The following MYO7B variants were observed in gnomAD, a reference collection of about 807,000 sequenced individuals.
MYO7B encodes myosin VIIB.
In MYO7B, 212 loss-of-function variants were observed where a neutral mutation model predicts 259.7. The ratio of observed to expected loss-of-function variants is 0.82; its 90% CI spans 0.73 to 0.91. MYO7B has a LOEUF of 0.91. MYO7B is among the 40% of genes least tolerant of loss of function. The pLI, the probability that MYO7B is intolerant of heterozygous loss-of-function variation, is 0.00. For missense variants in MYO7B, 2,732 were observed against 2,813.5 expected, an observed-to-expected ratio of 0.97 and a Z score of 0.66; for synonymous variants, 1,197 against 1,166.4, an observed-to-expected ratio of 1.03 and a Z score of -0.54.
rs2255161 is a variant in MYO7B, at chr2:127,636,225, T to C, written c.6024T>C (p.Tyr2008=). Residue 2008 remains tyrosine (Y), a synonymous_variant, in exon 45 of 48, where the codon TAT becomes TAC. Coordinates refer to ENST00000409816, the MANE Select transcript of MYO7B (RefSeq NM_001393586.1). This position sits in a 1 kb window ranked among gnomAD's most constrained non-coding sequence, Gnocchi z 4.5. ...EEWKKSILLA[Y]DKHKDKTVEE... The stretch of plus-strand genomic sequence containing the variant: ...TCCCCCAGAGCATCCTTCTAGCCTA[T>C]GACAAGCATAAGGACAAGACAGTGG... 0.2 allele frequency: 326,043 copies of C among 1,611,722 alleles called. 34,985 individuals carry two copies. The highest frequency in any genetic ancestry group is 0.36 in the South Asian group (32,646 of 90,988).
chr2:127,620,570 A>G (rs980622912), intron 27 of MYO7B, 104 bp downstream of exon 27: 1 of 1,299,374 alleles, frequency 7.7e-7, no homozygotes. Context: ...TACGTGGCCC[A>G]TTTCTCCTGC....
intron 1 of MYO7B, among the ~76,000 whole-genome samples, chr2:127,548,540 T>G (rs1176019473): frequency 1.3e-5 from 2 of 151,748 alleles, no homozygotes; most frequent in African/African-American, 4.8e-5. Flanking sequence ...CTCAGCCTCC[T>G]GAGTAGCTGG....
chr2:127,620,273 C>T, intron 26 of MYO7B, 67 bp from the exon 27 acceptor site: 29 of 1,543,786 alleles, frequency 1.9e-5, no homozygotes, highest in Non-Finnish European at 2.6e-5. Context: ...GCTGTGTGCC[C>T]AGGTACCCCT....
chr2:127,618,715 G>T (rs916159802), intron 26 of MYO7B, among the ~76,000 whole-genome samples: 1 of 152,234 alleles, frequency 6.6e-6, no homozygotes, highest in African/African-American at 2.4e-5. Flanking sequence ...TTTATGAGTG[G>T]TTTGCCATTG....
At chr2:127,604,559 T>C (rs545519019) in intron 19 of MYO7B, among the ~76,000 whole-genome samples, 1 of 152,244 alleles carries the variant, frequency 6.6e-6, no homozygotes, top group Non-Finnish European at 1.5e-5. Flanking sequence ...CGTGGCTGTT[T>C]CGCGCAAGAG....
At chr2:127,544,455 C>G (rs561777367) in intron 1 of MYO7B, among the ~76,000 whole-genome samples, 1 of 152,290 alleles carries the variant, frequency 6.6e-6, no homozygotes, top group East Asian at 1.9e-4. Flanking sequence ...GTCACCCAGG[C>G]TGGAGTGCAA....
chr2:127,612,688 C>G, intron 26 of MYO7B, 85 bp downstream of exon 26: 1 of 1,531,808 alleles, frequency 6.5e-7, no homozygotes, highest in Non-Finnish European at 8.8e-7. Context: ...CCTCCCCCAC[C>G]ACCCCTATGA....
intron 1 of MYO7B, among the ~76,000 whole-genome samples, chr2:127,537,562 G>A (rs1230527152): frequency 3.3e-5 from 5 of 152,190 alleles, no homozygotes; most frequent in African/African-American, 1.2e-4. Flanking sequence ...ACTGGGCATG[G>A]TGGTGGCTCA....
chr2:127,601,539 T>A (rs1162420081), intron 19 of MYO7B, among the ~76,000 whole-genome samples: 1 of 152,244 alleles, frequency 6.6e-6, no homozygotes, highest in African/African-American at 2.4e-5. Context: ...ATGTGCTTTT[T>A]ATTATCATGT....
At chr2:127,538,892 T>C (rs1692896324) in intron 1 of MYO7B, among the ~76,000 whole-genome samples, 1 of 152,174 alleles carries the variant, frequency 6.6e-6, no homozygotes, top group Non-Finnish European at 1.5e-5. Context: ...CAAGAAATCT[T>C]GACTCAGTCA....
intron 4 of MYO7B, among the ~76,000 whole-genome samples, chr2:127,566,297 A>G (rs1020899480): frequency 6.6e-6 from 1 of 152,180 alleles, no homozygotes; most frequent in African/African-American, 2.4e-5. Context: ...ACCAGCCTAT[A>G]TGAAAGCCCC....
chr2:127,635,066 G>A (rs1272187118), intron 42 of MYO7B, 54 bp from the exon 43 acceptor site: 1 of 1,463,516 alleles, frequency 6.8e-7, no homozygotes, highest in Admixed American at 1.8e-5. Context: ...CAGGGGGTCA[G>A]GGCTGGTGTA....
At position 127,584,376 on chromosome 2, in the gene MYO7B, T is replaced by C. The variant is rs780705716; in HGVS notation, c.1554+44T>C. 3.2e-6 allele frequency: 5 copies of C among 1,587,298 alleles called. No individual in the cohort carries two copies. The South Asian group carries it at 4.4e-5, about 14-fold the overall frequency. ...CGACCTTCTGGTGGAGGCCCTGCTATGGGTCTCCTCTTGGAGGCTGGGAAA... is the reference window on the plus strand; with the variant it reads ...CGACCTTCTGGTGGAGGCCCTGCTACGGGTCTCCTCTTGGAGGCTGGGAAA... On this transcript the variant is annotated intron_variant, in intron 13 of 47. Transcript: ENST00000409816. The surrounding 1 kb of genome is among the most constrained non-coding windows in gnomAD (Gnocchi z 5.8).
At chr2:127,594,198 CA>C (rs1452890055) in intron 18 of MYO7B, among the ~76,000 whole-genome samples, 1 of 152,284 alleles carries the variant, frequency 6.6e-6, no homozygotes, top group Non-Finnish European at 1.5e-5. Context: ...GCTGAAGTCA[CA>C]CAAAGGAAGC....
chr2:127,617,663 C>T (rs1445244621), intron 26 of MYO7B, among the ~76,000 whole-genome samples: 9 of 149,784 alleles, frequency 6.0e-5, no homozygotes, highest in African/African-American at 1.5e-4. Context: ...CCACCGCGCC[C>T]GGCTAATTTT....
chr2:127,636,199 G>C lies in MYO7B; in HGVS notation c.6007-9G>C, dbSNP rs774801883. The stretch of plus-strand genomic sequence containing the variant: ...CACCCAAGTCCTTACTGGCCCTCCT[G>C]TCCCCCAGAGCATCCTTCTAGCCTA... On this transcript the variant is annotated splice_polypyrimidine_tract_variant and intron_variant, in intron 44 of 47. Transcript: ENST00000409816. This position sits in a 1 kb window ranked among gnomAD's most constrained non-coding sequence, Gnocchi z 4.5. The C allele has an allele frequency of 1.9e-5, 31 of 1,607,124 alleles. No homozygotes were observed. The highest frequency in any genetic ancestry group is 2.4e-5 in the Non-Finnish European group (28 of 1,175,080).
At position 127,628,365 on chromosome 2, in the gene MYO7B, T is replaced by C. The variant is rs759837559; in HGVS notation, c.4461-7T>C. ...GGGCTCCTGGTCACGCTGTCCTTCA[T>C]CTCCAGGGAGGCCCAGGGCGGGCAG... On this transcript the variant is annotated splice_polypyrimidine_tract_variant and splice_region_variant and intron_variant, in intron 33 of 47. Transcript: ENST00000409816. This position sits in a 1 kb window ranked among gnomAD's most constrained non-coding sequence, Gnocchi z 4.8. 11 of 1,596,562 alleles carry C rather than the reference T, an allele frequency of 6.9e-6. No individual in the cohort carries two copies. Among genetic ancestry groups the C allele is most frequent in the Non-Finnish European group, 9.4e-6 (11 of 1,174,214 alleles).
chr2:127,635,888 C>T lies in MYO7B; in HGVS notation c.5987C>T (p.Ser1996Phe), dbSNP rs1681775103. ...CCTGAGAACCTCACACGCCTGATGTCCTCGGAGGAGTGGAAAAAGGTCCCT... is the reference window on the plus strand; with the variant it reads ...CCTGAGAACCTCACACGCCTGATGTTCTCGGAGGAGTGGAAAAAGGTCCCT... ...LVPENLTRLM[S>F]SEEWKKSILL... Residue 1996 changes from serine (S) to phenylalanine (F), a missense_variant, in exon 44 of 48, where the codon TCC (serine) becomes TTC (phenylalanine). This residue lies in a region of MYO7B where 821 missense variants were observed against 769.3 expected (regional missense o/e 1.07). Coordinates refer to ENST00000409816, the MANE Select transcript of MYO7B (RefSeq NM_001393586.1). The T allele has an allele frequency of 6.3e-7, 1 of 1,575,406 alleles. No individual in the cohort carries two copies. Among genetic ancestry groups the T allele is most frequent in the Non-Finnish European group, 8.6e-7 (1 of 1,160,978 alleles).
intron 7 of MYO7B, among the ~76,000 whole-genome samples, chr2:127,575,010 G>A (rs1466259518): frequency 3.3e-5 from 5 of 152,138 alleles, no homozygotes; most frequent in Admixed American, 1.3e-4. Flanking sequence ...ACATGCATGT[G>A]TGCAAATGAG....
Sources: allele counts gnomAD v4.1 joint callset (sites outside exome capture counted in the v4.1 genomes callset), GRCh38; gene constraint gnomAD v4.1.1; regional missense constraint gnomAD v4.1.1; non-coding constraint Gnocchi (gnomAD v3.1); transcripts MANE v1.5; gene names NCBI Gene and HGNC (gene_info 2026-07-23, HGNC 2026-07-21).